The following HTRA3 variants were observed in gnomAD, a reference collection of about 807,000 sequenced individuals.
HTRA3 encodes serine protease HTRA3.
HTRA3 carries 41 observed loss-of-function variants against 43.2 expected under a neutral mutation model. The observed-to-expected ratio is 0.95, with a 90% CI of 0.74 to 1.23. The LOEUF is 1.23. Ranked by LOEUF, HTRA3 falls within the 50% of genes most tolerant of loss-of-function variation. The pLI is 0.00. For synonymous variants in HTRA3, 295 were observed against 287.9 expected (o/e 1.02, Z -0.25); for missense variants, 628 against 647.1 (o/e 0.97, Z 0.32).
At chr4:8,285,234 T>A (rs1298129345) in intron 2 of HTRA3, among the ~76,000 whole-genome samples, 1 of 152,148 alleles carries the variant, frequency 6.6e-6, no homozygotes, top group Non-Finnish European at 1.5e-5. Context: ...ACATTCACAG[T>A]CACATGGGGT....
At chr4:8,293,196 A>T (rs1020313722) in intron 5 of HTRA3, among the ~76,000 whole-genome samples, 1 of 152,182 alleles carries the variant, frequency 6.6e-6, no homozygotes, top group Non-Finnish European at 1.5e-5. Flanking sequence ...GATGTCTCCC[A>T]GGCTTTTGGC....
At chr4:8,294,943 C>G (rs1411646069) in intron 6 of HTRA3, among the ~76,000 whole-genome samples, 1 of 151,518 alleles carries the variant, frequency 6.6e-6, no homozygotes, top group Non-Finnish European at 1.5e-5. Flanking sequence ...ATTCATCCAC[C>G]CATCCATCCG....
At chr4:8,278,522 C>T (rs757518024) in intron 1 of HTRA3, among the ~76,000 whole-genome samples, 8 of 152,302 alleles carry the variant, frequency 5.3e-5, no homozygotes, top group African/African-American at 1.9e-4. Context: ...GCTTCCCAGC[C>T]GTGGGGCCCA....
In HTRA3 at chr4:8,270,225, C is replaced by A; in HGVS notation, c.257C>A (p.Ser86Ter). 1 of 1,535,494 alleles carries A rather than the reference C, an allele frequency of 6.5e-7. No individual in the cohort carries two copies. Among genetic ancestry groups the A allele is most frequent in the Non-Finnish European group, 8.7e-7 (1 of 1,152,230 alleles). ...CGCGGCCTATGCCGCTGCCGCTGGTCGCACGCCGTGTGTGGCACCGACGGG... is the reference window on the plus strand; with the variant it reads ...CGCGGCCTATGCCGCTGCCGCTGGTAGCACGCCGTGTGTGGCACCGACGGG... ...CVRGLCRCRW[S>*]HAVCGTDGHT... The change falls in exon 1 of 9, where the codon TCG (serine) becomes TAG (stop). Residue 86 changes from serine (S) to a stop codon, truncating the protein, a stop_gained. Coordinates refer to ENST00000307358, the MANE Select transcript of HTRA3 (RefSeq NM_053044.5). LOFTEE classifies it high-confidence loss of function.
intron 1 of HTRA3, among the ~76,000 whole-genome samples, chr4:8,278,997 C>T (rs961434026): frequency 3.9e-5 from 6 of 152,264 alleles, no homozygotes; most frequent in East Asian, 1.9e-4. Context: ...CTCCTCTCTC[C>T]GCCCCTCCTC....
At chr4:8,300,255 G>A (rs971426249) in intron 6 of HTRA3, among the ~76,000 whole-genome samples, 1 of 152,198 alleles carries the variant, frequency 6.6e-6, no homozygotes, top group Admixed American at 6.5e-5. Flanking sequence ...CAGATAAGGA[G>A]GTTAGAAGTA....
chr4:8,273,641 C>G (rs998439486), intron 1 of HTRA3, among the ~76,000 whole-genome samples: 1 of 151,826 alleles, frequency 6.6e-6, no homozygotes, highest in Non-Finnish European at 1.5e-5. Flanking sequence ...CGTGGAGATG[C>G]CTGCTGAGCC....
chr4:8,304,885 C>T (rs1713782599), intron 8 of HTRA3, among the ~76,000 whole-genome samples: 1 of 152,132 alleles, frequency 6.6e-6, no homozygotes, highest in African/African-American at 2.4e-5. Context: ...TCTTGAACTG[C>T]TGACCTCAGG....
rs541336000 is a variant in HTRA3, at chr4:8,306,834, A to G, written c.*698A>G. On this transcript the variant is annotated 3_prime_UTR_variant, in exon 9 of 9. Coordinates refer to ENST00000307358, the MANE Select transcript of HTRA3 (RefSeq NM_053044.5). This position sits in a 1 kb window ranked among gnomAD's most constrained non-coding sequence, Gnocchi z 8.9. ...GAAGCTTCTCCTCCCCAAGGCGGCC[A>G]TGGGGCAGCCTGCAGAGGACAGTGG... The G allele has an allele frequency of 3.9e-5, 6 of 152,834 alleles. No individual in the cohort carries two copies. In the South Asian group the frequency reaches 1.0e-3, roughly 26 times the overall value. The allele number at this position is 152,834 out of a possible 1,614,324, so 9.5% of individuals were successfully genotyped here. A position where few individuals can be genotyped will look rare whatever the true frequency, so the allele number is the denominator to read the frequency against.
intron 1 of HTRA3, among the ~76,000 whole-genome samples, chr4:8,280,492 A>G (rs1437689213): frequency 1.3e-5 from 2 of 152,156 alleles, no homozygotes; most frequent in African/African-American, 4.8e-5. Context: ...TCCCAGGGGC[A>G]GGGAGGAGAA....
At chr4:8,282,686 G>A in intron 2 of HTRA3, 150 bp downstream of exon 2, 2 of 650,604 alleles carry the variant, frequency 3.1e-6, no homozygotes, top group Admixed American at 4.5e-5. Context: ...ACATCTGCTG[G>A]CTGCCTGTGT....
rs77884185 is a variant in HTRA3 at position 8,294,054 on chromosome 4, C to T, written c.937-33C>T. 7,768 of 1,497,728 alleles carry T rather than the reference C, an allele frequency of 5.2e-3. 335 individuals are homozygous for T. The African/African-American group carries it at 0.093, about 18-fold the overall frequency. 92.8% of individuals were successfully genotyped at this position (1,497,728 alleles called of 1,614,324 possible). ...TGGGCAGGGGTTTGCCTGGGTTCCC[C>T]CAACTGATGCCTGCTCTTACCTCCC... On this transcript the variant is annotated intron_variant, in intron 5 of 8. Coordinates refer to ENST00000307358, the MANE Select transcript of HTRA3 (RefSeq NM_053044.5).
intron 6 of HTRA3, among the ~76,000 whole-genome samples, chr4:8,299,378 AC>A (rs1156338279): frequency 6.6e-6 from 1 of 152,176 alleles, no homozygotes; most frequent in African/African-American, 2.4e-5. Context: ...GCTTCTAGAA[AC>A]TTTTTTTGTA....
intron 1 of HTRA3, among the ~76,000 whole-genome samples, chr4:8,281,543 G>A (rs1244787072): frequency 6.6e-6 from 1 of 152,234 alleles, no homozygotes; most frequent in Non-Finnish European, 1.5e-5. Flanking sequence ...AAAGCAGCCA[G>A]GCCCAGCCGA....
chr4:8,286,316 C>T lies in HTRA3; in HGVS notation c.486-245C>T, dbSNP rs147323554. On this transcript the variant is annotated intron_variant, in intron 2 of 8. Transcript: ENST00000307358. This position sits in a 1 kb window ranked among gnomAD's most constrained non-coding sequence, Gnocchi z 4.9. ...CTGACATGTCGCAGGCAGCCTGTCT[C>T]ATCTCAGCAAATTGCAGCGAGAGGT... is the stretch of plus-strand genomic sequence containing the variant. 2.0e-5 allele frequency among the ~76,000 whole-genome samples: 3 copies of T among 152,308 alleles called. No individual in the cohort carries two copies. The highest frequency in any genetic ancestry group is 4.4e-5 in the Non-Finnish European group (3 of 68,034).
At chr4:8,288,569 C>G (rs1038779365) in intron 3 of HTRA3, among the ~76,000 whole-genome samples, 2 of 125,726 alleles carry the variant, frequency 1.6e-5, no homozygotes, top group Non-Finnish European at 3.2e-5. Context: ...ACCACCGTGC[C>G]TAGCCTTTTT....
At chr4:8,280,896 T>C (rs7665567) in intron 1 of HTRA3, among the ~76,000 whole-genome samples, 116,287 of 152,122 alleles carry the variant, frequency 0.76, 44,969 homozygotes, top group Middle Eastern at 0.85. Flanking sequence ...GCCAACCCCC[T>C]AGGTCCCAGC....
intron 1 of HTRA3, among the ~76,000 whole-genome samples, chr4:8,278,769 C>T (rs4438746): frequency 0.62 from 94,734 of 152,112 alleles, 30,990 homozygotes; most frequent in Non-Finnish European, 0.72. Flanking sequence ...GCCAGGCCTG[C>T]CCTCCCTCAG....
intron 5 of HTRA3, among the ~76,000 whole-genome samples, 197 bp from the exon 6 acceptor site, chr4:8,293,890 G>A (rs1032914265): frequency 6.6e-6 from 1 of 152,072 alleles, no homozygotes; most frequent in Non-Finnish European, 1.5e-5. Context: ...GGGGAAGGGG[G>A]ATCTCCAGGA....
Sources: allele counts gnomAD v4.1 joint callset (sites outside exome capture counted in the v4.1 genomes callset), GRCh38; gene constraint gnomAD v4.1.1; non-coding constraint Gnocchi (gnomAD v3.1); transcripts MANE v1.5; gene names NCBI Gene and HGNC (gene_info 2026-07-23, HGNC 2026-07-21).